Variants in PRRG1 observed in about 807,000 individuals in gnomAD.
PRRG1 encodes the protein transmembrane gamma-carboxyglutamic acid protein 1.
In PRRG1, 5 loss-of-function variants were observed where a neutral mutation model predicts 11.8. That is an observed-to-expected ratio of 0.42 (90% CI 0.22 to 0.89). The LOEUF is 0.89. Ranked by LOEUF, PRRG1 falls within the 40% of genes least tolerant of loss-of-function variation. PRRG1 has a pLI of 0.28. For synonymous variants in PRRG1, 66 were observed against 60.4 expected, an observed-to-expected ratio of 1.09 and a Z score of -0.43; for missense variants, 155 against 166.1, an observed-to-expected ratio of 0.93 and a Z score of 0.37.
intron 3 of PRRG1, among the ~76,000 whole-genome samples, chrX:37,431,560 CT>C (rs111718430): frequency 0.2 from 21,922 of 110,701 alleles, 2,513 homozygotes; most frequent in African/African-American, 0.43. Context: ...TGAAATCTCT[CT>C]TCATGTCATT....
chrX:37,357,851 G>A (rs1007814132), intron 1 of PRRG1, among the ~76,000 whole-genome samples: 16 of 112,155 alleles, frequency 1.4e-4, no homozygotes, highest in East Asian at 5.6e-4. Context: ...GTAACTTACC[G>A]CTTTTATTCC....
At chrX:37,389,348 C>CT (rs1556376005) in intron 1 of PRRG1, among the ~76,000 whole-genome samples, 2 of 111,820 alleles carry the variant, frequency 1.8e-5, no homozygotes, top group Non-Finnish European at 1.9e-5. Flanking sequence ...TACCAATTTT[C>CT]TTTATTAATT....
chrX:37,364,146 C>G (rs995524130), intron 1 of PRRG1, among the ~76,000 whole-genome samples: 6 of 111,045 alleles, frequency 5.4e-5, no homozygotes, highest in Non-Finnish European at 1.1e-4. Flanking sequence ...AGTCCTGGTG[C>G]TAGAGTTAGG....
At chrX:37,392,244 T>G (rs1312847102) in intron 1 of PRRG1, among the ~76,000 whole-genome samples, 15 of 111,688 alleles carry the variant, frequency 1.3e-4, no homozygotes, top group African/African-American at 4.9e-4. Flanking sequence ...CTGTGGCTGC[T>G]TTCATGCTAT....
At chrX:37,438,289 A>T (rs1932913532) in intron 3 of PRRG1, among the ~76,000 whole-genome samples, 1 of 111,114 alleles carries the variant, frequency 9.0e-6, no homozygotes, top group Admixed American at 9.6e-5. Context: ...AAATGTATCC[A>T]GGCAAGTAGA....
Position 37,454,071 on chromosome X carries a change from G to T in PRRG1, c.*450G>T, listed in dbSNP as rs1921262035. 8.9e-6 allele frequency: 1 copy of T among 112,526 alleles called. No homozygotes were observed. The allele number at this position is 112,526 out of a possible 1,213,427, so 9.3% of individuals were successfully genotyped here. A position where few individuals can be genotyped will look rare whatever the true frequency, so the allele number is the denominator to read the frequency against. ...ACATGCTGTAGATTTTTGCAAACTGGATGTACTTAGCATGTTTTCTAATTC... is the reference window on the plus strand; with the variant it reads ...ACATGCTGTAGATTTTTGCAAACTGTATGTACTTAGCATGTTTTCTAATTC... On this transcript the variant is annotated 3_prime_UTR_variant, in exon 4 of 4. Transcript: ENST00000378628.
chrX:37,432,936 A>G (rs984509408), intron 3 of PRRG1, among the ~76,000 whole-genome samples: 16 of 111,114 alleles, frequency 1.4e-4, no homozygotes, highest in African/African-American at 4.6e-4. Flanking sequence ...TCCATCCATC[A>G]TGTTTGCTGA....
intron 1 of PRRG1, among the ~76,000 whole-genome samples, chrX:37,361,941 A>G (rs1263445221): frequency 1.8e-5 from 2 of 112,351 alleles, no homozygotes; most frequent in African/African-American, 6.5e-5. Context: ...GCTGCAAAAA[A>G]GTGAATAGAA....
intron 1 of PRRG1, among the ~76,000 whole-genome samples, chrX:37,361,849 C>T (rs782085474): frequency 8.9e-6 from 1 of 112,172 alleles, no homozygotes; most frequent in East Asian, 2.8e-4. Flanking sequence ...TAACTTGCCA[C>T]AGTAATCCTC....
At position 37,453,521 on chromosome X, in the gene PRRG1, CAG is replaced by C. The variant is rs1556397339; in HGVS notation, c.559_560del (p.Glu187ThrfsTer10). 8.3e-7 allele frequency: 1 copy of C among 1,211,159 alleles called. No homozygotes were observed. The highest frequency in any genetic ancestry group is 1.7e-5 in the African/African-American group (1 of 57,711). Reference sequence around the variant, plus strand: ...CAAGTGAACCTGCAGAGGAGTGAAACAGAACCTCATTTAGACCCACCCCCAGA... The same window carrying C: ...CAAGTGAACCTGCAGAGGAGTGAAACAACCTCATTTAGACCCACCCCCAGA... On this transcript the variant is annotated frameshift_variant, in exon 4 of 4. Coordinates refer to ENST00000378628, the MANE Select transcript of PRRG1 (RefSeq NM_001142395.2). LOFTEE classifies it high-confidence loss of function.
chrX:37,451,090 T>C (rs1008193336), intron 3 of PRRG1, among the ~76,000 whole-genome samples: 1 of 112,123 alleles, frequency 8.9e-6, no homozygotes, highest in Non-Finnish European at 1.9e-5. Flanking sequence ...CAATCTCGGC[T>C]CACCCGCAAC....
At chrX:37,446,402 A>T (rs925807345) in intron 3 of PRRG1, among the ~76,000 whole-genome samples, 1 of 112,013 alleles carries the variant, frequency 8.9e-6, no homozygotes, top group Non-Finnish European at 1.9e-5. Flanking sequence ...CATAGCCAGG[A>T]TTCTAGAATG....
chrX:37,353,823 G>T (rs12841981), intron 1 of PRRG1, among the ~76,000 whole-genome samples: 6,652 of 112,217 alleles, frequency 0.059, 213 homozygotes, highest in Non-Finnish European at 0.093. Context: ...CTATGATGTT[G>T]ACACAACAAC....
intron 1 of PRRG1, among the ~76,000 whole-genome samples, chrX:37,351,720 G>T (rs782619374): frequency 9.0e-6 from 1 of 111,557 alleles, no homozygotes; most frequent in South Asian, 3.7e-4. Context: ...AGGGAAAATA[G>T]GGATCAGAAA....
At chrX:37,431,467 G>A (rs1556390152) in intron 3 of PRRG1, among the ~76,000 whole-genome samples, 1 of 111,925 alleles carries the variant, frequency 8.9e-6, no homozygotes, top group Non-Finnish European at 1.9e-5. Flanking sequence ...AACTTCTTGT[G>A]ATTTTAATTT....
At chrX:37,404,492 A>G (rs1352932897) in intron 1 of PRRG1, among the ~76,000 whole-genome samples, 1 of 111,613 alleles carries the variant, frequency 9.0e-6, no homozygotes, top group Non-Finnish European at 1.9e-5. Flanking sequence ...GTAAAAAGGT[A>G]TGAGTTCTAA....
At chrX:37,397,581 G>T (rs1481844360) in intron 1 of PRRG1, among the ~76,000 whole-genome samples, 1 of 112,399 alleles carries the variant, frequency 8.9e-6, no homozygotes, top group Admixed American at 9.4e-5. Flanking sequence ...AAAGGAAAAA[G>T]AAATTACTTT....
In PRRG1 at chrX:37,351,068, A is replaced by G. The variant is rs188331537; in HGVS notation, c.-42+1673A>G. Among the ~76,000 whole-genome samples, 846 of 111,123 alleles carry G rather than the reference A, an allele frequency of 7.6e-3. 5 individuals are homozygous for G. Among genetic ancestry groups the G allele is most frequent in the Non-Finnish European group, 0.013 (686 of 52,976 alleles). On this transcript the variant is annotated intron_variant, in intron 1 of 3. Transcript: ENST00000378628. ...CACCCTTTTCTGTTAAATTTATATA[A>G]CTTGCCTTATTTCTCCATTACTACT...
chrX:37,406,845 A>T lies in PRRG1; in HGVS notation c.10+586A>T, dbSNP rs1932201475. On this transcript the variant is annotated intron_variant, in intron 2 of 3. Coordinates refer to ENST00000378628, the MANE Select transcript of PRRG1 (RefSeq NM_001142395.2). ...ATTGTTAATATTAAGCAGCCACCACAGGGACTTCATAAATAATTCTAATTA... is the reference window on the plus strand; with the variant it reads ...ATTGTTAATATTAAGCAGCCACCACTGGGACTTCATAAATAATTCTAATTA... Among the ~76,000 whole-genome samples, 3 of 111,632 alleles carry T rather than the reference A, an allele frequency of 2.7e-5. 1 individual carries two copies. In the Admixed American group the frequency reaches 2.9e-4, roughly 11 times the overall value.
Sources: gnomAD v4.1 joint callset for allele counts (sites outside exome capture counted in the v4.1 genomes callset) on GRCh38, gnomAD v4.1.1 for gene constraint, MANE v1.5 for transcripts, NCBI Gene and HGNC (gene_info 2026-07-23, HGNC 2026-07-21) for gene names.